TMEM132C: variants seen among roughly 807,000 people sequenced by gnomAD.
TMEM132C encodes the protein protein phosphatase 1, regulatory subunit 152.
In TMEM132C, 29 loss-of-function variants were observed where a neutral mutation model predicts 61.4. The ratio of observed to expected loss-of-function variants is 0.47; its 90% CI spans 0.35 to 0.64. The LOEUF is 0.64. Ranked by LOEUF, TMEM132C falls within the 30% of genes least tolerant of loss-of-function variation. The probability of loss-of-function intolerance (pLI) is 0.00; values close to 1 mark genes in which losing one functional copy is unlikely to be tolerated. For synonymous variants in TMEM132C, 656 were observed against 633.1 expected, an observed-to-expected ratio of 1.04 and a Z score of -0.54; for missense variants, 1,408 against 1,476.9, an observed-to-expected ratio of 0.95 and a Z score of 0.76.
intron 3 of TMEM132C, among the ~76,000 whole-genome samples, chr12:128,599,643 G>T (rs983993948): frequency 1.3e-5 from 2 of 152,204 alleles, no homozygotes; most frequent in African/African-American, 4.8e-5. Context: ...AGCTGAATCT[G>T]CAAAGGAGAA....
In TMEM132C at chr12:128,630,930, G is replaced by T. The variant is rs559754029; in HGVS notation, c.1305+14595G>T. On this transcript the variant is annotated intron_variant, in intron 4 of 8. Transcript: ENST00000435159. The surrounding 1 kb of genome is among the most constrained non-coding windows in gnomAD (Gnocchi z 4.3). ...GCCTGTATTCCCAGCTACTCAGGAGGCTGAGACACGAGAATCGCTTGAACC... is the reference window on the plus strand; with the variant it reads ...GCCTGTATTCCCAGCTACTCAGGAGTCTGAGACACGAGAATCGCTTGAACC... Among the ~76,000 whole-genome samples the T allele has an allele frequency of 6.6e-6, 1 of 152,258 alleles. No homozygotes were observed. Among genetic ancestry groups the T allele is most frequent in the Non-Finnish European group, 1.5e-5 (1 of 68,010 alleles).
In TMEM132C at chr12:128,705,201, G is replaced by A. The variant is rs771013725; in HGVS notation, c.2233G>A (p.Val745Met). 2.0e-5 allele frequency: 31 copies of A among 1,551,546 alleles called. No homozygotes were observed. Among genetic ancestry groups the A allele is most frequent in the South Asian group, 1.5e-4 (13 of 84,060 alleles). The change falls in exon 9 of 9, where the codon GTG (valine) becomes ATG (methionine). Residue 745 changes from valine (V) to methionine (M), a missense_variant. Transcript: ENST00000435159. ...AGCCACCTCCCAGGACGAGGCTGTC[G>A]TGTCAGTCCCCCAGCCCCGCTCTCC... ...LAATSQDEAV[V>M]SVPQPRSPRW...
chr12:128,283,981 C>T (rs1309406148), intron 1 of TMEM132C, among the ~76,000 whole-genome samples: 1 of 152,208 alleles, frequency 6.6e-6, no homozygotes, highest in African/African-American at 2.4e-5. Flanking sequence ...TCTTCAGTTA[C>T]ATGAACTCCA....
intron 2 of TMEM132C, among the ~76,000 whole-genome samples, chr12:128,516,455 G>A (rs1481037695): frequency 1.3e-5 from 2 of 152,186 alleles, no homozygotes; most frequent in South Asian, 2.1e-4. Flanking sequence ...ACACAGGATG[G>A]CTCTAGGATT....
intron 1 of TMEM132C, among the ~76,000 whole-genome samples, chr12:128,379,524 C>T (rs569748113): frequency 1.3e-5 from 2 of 152,306 alleles, no homozygotes; most frequent in East Asian, 3.9e-4. Flanking sequence ...TCCAGAGGCG[C>T]TAGGGAAGGA....
intron 2 of TMEM132C, among the ~76,000 whole-genome samples, chr12:128,502,452 C>A (rs1872214766): frequency 6.6e-6 from 1 of 152,190 alleles, no homozygotes; most frequent in Admixed American, 6.5e-5. Flanking sequence ...GCTCTAATTT[C>A]TTTAACTTGG....
chr12:128,321,110 G>A (rs1328717974), intron 1 of TMEM132C, among the ~76,000 whole-genome samples: 1 of 149,474 alleles, frequency 6.7e-6, no homozygotes, highest in East Asian at 2.0e-4. Flanking sequence ...GAGGAGCTGA[G>A]GTCCCTGTCC....
intron 5 of TMEM132C, among the ~76,000 whole-genome samples, chr12:128,682,687 C>T (rs1954645355): frequency 6.6e-6 from 1 of 152,196 alleles, no homozygotes; most frequent in Non-Finnish European, 1.5e-5. Context: ...ATCGCCCGCC[C>T]CAGGTGGGAG....
intron 1 of TMEM132C, among the ~76,000 whole-genome samples, chr12:128,302,770 A>G (rs901338889): frequency 4.6e-5 from 7 of 152,250 alleles, no homozygotes; most frequent in Non-Finnish European, 7.3e-5. Context: ...ATCTTAATAC[A>G]TATGAAATGA....
chr12:128,451,170 A>T (rs1401533033), intron 2 of TMEM132C, among the ~76,000 whole-genome samples: 2 of 152,222 alleles, frequency 1.3e-5, no homozygotes, highest in South Asian at 2.1e-4. Flanking sequence ...TTGGCTACTA[A>T]GGGGTTAGTC....
intron 1 of TMEM132C, among the ~76,000 whole-genome samples, chr12:128,311,303 C>A (rs528412888): frequency 6.6e-6 from 1 of 152,194 alleles, no homozygotes; most frequent in Non-Finnish European, 1.5e-5. Context: ...GAAGGTTGCA[C>A]GCAGCCTCGC....
intron 4 of TMEM132C, among the ~76,000 whole-genome samples, chr12:128,667,135 A>G (rs566701282): frequency 7.2e-5 from 11 of 152,142 alleles, no homozygotes; most frequent in Non-Finnish European, 1.3e-4. Flanking sequence ...ACACATATAC[A>G]TATATGTCCA....
chr12:128,483,378 C>T (rs1871381261), intron 2 of TMEM132C, among the ~76,000 whole-genome samples: 1 of 95,712 alleles, frequency 1.0e-5, no homozygotes, highest in African/African-American at 3.9e-5. Flanking sequence ...GCCGAAGGGG[C>T]CATGGAGCCC....
intron 5 of TMEM132C, among the ~76,000 whole-genome samples, chr12:128,690,054 G>A (rs1954707843): frequency 6.6e-6 from 1 of 152,192 alleles, no homozygotes. Context: ...ACTCAGGAAG[G>A]TGCCAAAGCC....
intron 1 of TMEM132C, among the ~76,000 whole-genome samples, chr12:128,407,205 A>G (rs1875374872): frequency 6.6e-6 from 1 of 152,182 alleles, no homozygotes; most frequent in Admixed American, 6.5e-5. Context: ...ACAAGATCTA[A>G]TGGTTTTATA....
chr12:128,646,662 G>A (rs971756442), intron 4 of TMEM132C, among the ~76,000 whole-genome samples: 4 of 148,796 alleles, frequency 2.7e-5, no homozygotes, highest in African/African-American at 7.5e-5. Flanking sequence ...ATCAGCGTTG[G>A]ATGAGTGTGT....
chr12:128,294,773 A>G (rs1871349872), intron 1 of TMEM132C, among the ~76,000 whole-genome samples: 1 of 151,344 alleles, frequency 6.6e-6, no homozygotes, highest in Admixed American at 6.6e-5. Flanking sequence ...ATGAGGCTCC[A>G]CCCCCGTGAC....
chr12:128,535,323 G>A (rs1390692292), intron 2 of TMEM132C, among the ~76,000 whole-genome samples: 1 of 152,032 alleles, frequency 6.6e-6, no homozygotes, highest in Non-Finnish European at 1.5e-5. Context: ...GGGAGAAAAT[G>A]TTTGCAATCT....
At chr12:128,663,315 A>G (rs1360789194) in intron 4 of TMEM132C, among the ~76,000 whole-genome samples, 1 of 152,158 alleles carries the variant, frequency 6.6e-6, no homozygotes, top group African/African-American at 2.4e-5. Context: ...TGGTGTGGAC[A>G]TTTCGTATGA....
Sources: gnomAD v4.1 joint callset for allele counts (sites outside exome capture counted in the v4.1 genomes callset) on GRCh38, gnomAD v4.1.1 for gene constraint, Gnocchi (gnomAD v3.1) non-coding constraint, MANE v1.5 for transcripts, NCBI Gene and HGNC (gene_info 2026-07-23, HGNC 2026-07-21) for gene names.